ATRNL1: variants seen among roughly 807,000 people sequenced by gnomAD.
ATRNL1 encodes the protein attractin-like protein 1.
Under a neutral mutation model 182.7 loss-of-function variants are expected in ATRNL1, and 95 were observed. The observed-to-expected ratio is 0.52, with a 90% CI of 0.44 to 0.62. The LOEUF is 0.62. Among genes scored for constraint, ATRNL1 ranks in the 20% least tolerant of loss-of-function variants. ATRNL1 has a pLI of 0.00. For missense variants in ATRNL1, 1,471 were observed against 1,679.5 expected (o/e 0.88, Z 2.17); for synonymous variants, 576 against 568.3 (o/e 1.01, Z -0.19).
intron 25 of ATRNL1, among the ~76,000 whole-genome samples, chr10:115,522,912 G>A (rs891319556): frequency 6.6e-6 from 1 of 152,170 alleles, no homozygotes; most frequent in Non-Finnish European, 1.5e-5. Context: ...TATCTCCCTT[G>A]GTTCCATGTC....
At chr10:115,178,537 C>T (rs1847623989) in intron 8 of ATRNL1, among the ~76,000 whole-genome samples, 1 of 152,148 alleles carries the variant, frequency 6.6e-6, no homozygotes, top group Non-Finnish European at 1.5e-5. Flanking sequence ...GAATATGACA[C>T]ATGCTACAAT....
chr10:115,815,774 T>C (rs1950150582), intron 27 of ATRNL1, among the ~76,000 whole-genome samples: 1 of 152,146 alleles, frequency 6.6e-6, no homozygotes, highest in South Asian at 2.1e-4. Context: ...TAGATCTGTG[T>C]CTATTTAGAA....
In ATRNL1 at chr10:115,630,859, C is replaced by G. The variant is rs868990592; in HGVS notation, c.3795+81323C>G. Among the ~76,000 whole-genome samples the G allele has an allele frequency of 2.1e-3, 305 of 145,354 alleles. 3 individuals are homozygous for G. Among genetic ancestry groups the G allele is most frequent in the African/African-American group, 7.5e-3 (285 of 37,954 alleles). The stretch of plus-strand genomic sequence containing the variant: ...ACACACACACACACACACACACACA[C>G]ACACACACACACACATTGGAATTTT... On this transcript the variant is annotated intron_variant, in intron 26 of 28. Coordinates refer to ENST00000355044, the MANE Select transcript of ATRNL1 (RefSeq NM_207303.4).
intron 10 of ATRNL1, among the ~76,000 whole-genome samples, chr10:115,251,603 T>C (rs1279527597): frequency 6.6e-6 from 1 of 152,184 alleles, no homozygotes; most frequent in African/African-American, 2.4e-5. Flanking sequence ...ACCATCATAT[T>C]CTTCATGGCT....
chr10:115,578,587 A>G (rs975830132), intron 26 of ATRNL1, among the ~76,000 whole-genome samples: 1 of 151,520 alleles, frequency 6.6e-6, no homozygotes, highest in Non-Finnish European at 1.5e-5. Flanking sequence ...GGTATCCCTT[A>G]TAATGTTTCC....
In ATRNL1 at chr10:115,465,841, G is replaced by A. The variant is rs781988516; in HGVS notation, c.3418-1333G>A. 2.0e-5 allele frequency among the ~76,000 whole-genome samples: 3 copies of A among 151,480 alleles called. No homozygotes were observed. The South Asian group carries it at 6.2e-4, about 31-fold the overall frequency. On this transcript the variant is annotated intron_variant, in intron 22 of 28. Coordinates refer to ENST00000355044, the MANE Select transcript of ATRNL1 (RefSeq NM_207303.4). ...TATTATAACAAATTTTATTTTACAT[G>A]CTCTTTCAAGATGATCATTCTTTTT...
At chr10:115,173,888 T>A (rs1847388711) in intron 8 of ATRNL1, among the ~76,000 whole-genome samples, 1 of 151,740 alleles carries the variant, frequency 6.6e-6, no homozygotes, top group South Asian at 2.1e-4. Flanking sequence ...AGTTGAATTT[T>A]GCTTTGTGAT....
At chr10:115,545,044 C>A (rs1157981913) in intron 25 of ATRNL1, among the ~76,000 whole-genome samples, 2 of 151,582 alleles carry the variant, frequency 1.3e-5, no homozygotes, top group Non-Finnish European at 2.9e-5. Context: ...TAAAGTATTA[C>A]CCTATATAAG....
chr10:115,172,380 A>G (rs1455749054), intron 8 of ATRNL1, among the ~76,000 whole-genome samples: 1 of 142,216 alleles, frequency 7.0e-6, no homozygotes, highest in Non-Finnish European at 1.6e-5. Flanking sequence ...GCTGTGTTTT[A>G]TTTCTTGAGG....
intron 26 of ATRNL1, among the ~76,000 whole-genome samples, chr10:115,654,862 C>G (rs2133889247): frequency 6.6e-6 from 1 of 152,288 alleles, no homozygotes; most frequent in South Asian, 2.1e-4. Context: ...CAGTTGTGTA[C>G]AGTGGAAATG....
intron 18 of ATRNL1, among the ~76,000 whole-genome samples, chr10:115,321,645 TA>T (rs1854589421): frequency 6.7e-6 from 1 of 149,130 alleles, no homozygotes; most frequent in Non-Finnish European, 1.5e-5. Flanking sequence ...ATAGCTATCA[TA>T]ATACTGAAGA....
intron 8 of ATRNL1, among the ~76,000 whole-genome samples, chr10:115,180,430 A>G (rs562192477): frequency 1.3e-5 from 2 of 151,838 alleles, no homozygotes; most frequent in African/African-American, 4.8e-5. Context: ...ATATTTCTGT[A>G]TTTTATTTGT....
intron 20 of ATRNL1, among the ~76,000 whole-genome samples, chr10:115,403,052 A>ATTTTTC (rs1844644629): frequency 6.6e-6 from 1 of 151,822 alleles, no homozygotes; most frequent in African/African-American, 2.4e-5. Flanking sequence ...ATTATTACCC[A>ATTTTTC]TTTTTCTCTA....
intron 26 of ATRNL1, among the ~76,000 whole-genome samples, chr10:115,583,635 T>A (rs191234741): frequency 2.1e-5 from 3 of 143,420 alleles, no homozygotes; most frequent in Non-Finnish European, 3.1e-5. Flanking sequence ...GCTTATCAGT[T>A]TAAGGAGATT....
At chr10:115,382,155 TA>T (rs1858051634) in intron 19 of ATRNL1, among the ~76,000 whole-genome samples, 1 of 152,218 alleles carries the variant, frequency 6.6e-6, no homozygotes, top group Non-Finnish European at 1.5e-5. Context: ...ATTCTTCTTT[TA>T]AAAATGTTTT....
At chr10:115,827,373 A>G (rs975450143) in intron 27 of ATRNL1, among the ~76,000 whole-genome samples, 2 of 152,210 alleles carry the variant, frequency 1.3e-5, no homozygotes, top group Admixed American at 1.3e-4. Flanking sequence ...AGTTTAAAAT[A>G]TGCATGATTA....
chr10:115,352,890 C>T (rs1376470131), intron 19 of ATRNL1, among the ~76,000 whole-genome samples: 2 of 151,986 alleles, frequency 1.3e-5, no homozygotes, highest in African/African-American at 4.8e-5. Flanking sequence ...GCAACAAGAG[C>T]AAAACTCTGT....
intron 20 of ATRNL1, among the ~76,000 whole-genome samples, chr10:115,407,503 C>T (rs558666608): frequency 6.6e-6 from 1 of 152,126 alleles, no homozygotes; most frequent in Non-Finnish European, 1.5e-5. Context: ...CTATTCCTGG[C>T]TTATTTCACT....
intron 20 of ATRNL1, among the ~76,000 whole-genome samples, chr10:115,421,935 A>G (rs776682990): frequency 6.6e-6 from 1 of 152,202 alleles, no homozygotes; most frequent in Non-Finnish European, 1.5e-5. Context: ...GACAAAAACA[A>G]GTAGTGATGA....
Sources: gnomAD v4.1 joint callset for allele counts (sites outside exome capture counted in the v4.1 genomes callset) on GRCh38, gnomAD v4.1.1 for gene constraint, MANE v1.5 for transcripts, NCBI Gene and HGNC (gene_info 2026-07-23, HGNC 2026-07-21) for gene names.